ATRNL1: variants seen among roughly 807,000 people sequenced by gnomAD.
The protein encoded by ATRNL1 is attractin like 1.
In ATRNL1, 95 loss-of-function variants were observed where a neutral mutation model predicts 182.7. The ratio of observed to expected loss-of-function variants is 0.52; its 90% CI spans 0.44 to 0.62. The LOEUF (loss-of-function observed/expected upper bound fraction) is 0.62, where lower values mean the gene tolerates loss of function less well. Ranked by LOEUF, ATRNL1 falls within the 20% of genes least tolerant of loss-of-function variation. ATRNL1 has a pLI of 0.00. For missense variants in ATRNL1, 1,471 were observed against 1,679.5 expected (o/e 0.88, Z 2.17); for synonymous variants, 576 against 568.3 (o/e 1.01, Z -0.19).
intron 6 of ATRNL1, among the ~76,000 whole-genome samples, chr10:115,163,767 T>C (rs1846912390): frequency 6.6e-6 from 1 of 152,138 alleles, no homozygotes; most frequent in African/African-American, 2.4e-5. Flanking sequence ...TTTACAGAAA[T>C]AGTTTGTACA....
At chr10:115,860,630 A>T (rs941836352) in intron 28 of ATRNL1, among the ~76,000 whole-genome samples, 3 of 152,342 alleles carry the variant, frequency 2.0e-5, no homozygotes, top group Admixed American at 6.5e-5. Flanking sequence ...CTGAAATGAC[A>T]TATGGCTCCT....
In ATRNL1 at chr10:115,303,186, G is replaced by A. The variant is rs932213606; in HGVS notation, c.2818+1143G>A. On this transcript the variant is annotated intron_variant, in intron 17 of 28. Transcript: ENST00000355044. Reference sequence around the variant, plus strand: ...AGTTACCATTCTACCACCATAGAAAGCTGCAGAATCACCTGAGATAAAGTT... The same window carrying A: ...AGTTACCATTCTACCACCATAGAAAACTGCAGAATCACCTGAGATAAAGTT... Among the ~76,000 whole-genome samples, 8 of 148,118 alleles carry A rather than the reference G, an allele frequency of 5.4e-5. No individual in the cohort carries two copies. The Admixed American group carries it at 5.4e-4, about 10-fold the overall frequency.
rs370732052 is a variant in ATRNL1, at chr10:115,764,920, C to T, written c.3903+37565C>T. The stretch of plus-strand genomic sequence containing the variant: ...AACTCCTGACCTCAGGCAATCCGCC[C>T]GCCTTGGCCTCCCAAATCGCTGGGA... On this transcript the variant is annotated intron_variant, in intron 27 of 28. Transcript: ENST00000355044. Among the ~76,000 whole-genome samples the T allele has an allele frequency of 2.8e-4, 43 of 152,300 alleles. 1 individual carries two copies. The East Asian group carries it at 7.1e-3, about 25-fold the overall frequency.
At chr10:115,457,214 G>C (rs782745298) in intron 21 of ATRNL1, among the ~76,000 whole-genome samples, 6 of 152,110 alleles carry the variant, frequency 3.9e-5, no homozygotes, top group African/African-American at 7.2e-5. Flanking sequence ...GACCCTGAAA[G>C]TGGGTAGCCC....
chr10:115,667,330 A>G (rs1206259459), intron 26 of ATRNL1, among the ~76,000 whole-genome samples: 1 of 152,170 alleles, frequency 6.6e-6, no homozygotes, highest in Non-Finnish European at 1.5e-5. Flanking sequence ...GACTTAAAAC[A>G]ACAATAATGT....
At chr10:115,643,439 A>T (rs1859397476) in intron 26 of ATRNL1, among the ~76,000 whole-genome samples, 1 of 152,186 alleles carries the variant, frequency 6.6e-6, no homozygotes, top group Non-Finnish European at 1.5e-5. Context: ...TCTAGGTATG[A>T]TATCAAAACC....
chr10:115,813,192 C>T (rs909895878), intron 27 of ATRNL1, among the ~76,000 whole-genome samples: 3 of 151,962 alleles, frequency 2.0e-5, no homozygotes, highest in African/African-American at 4.8e-5. Context: ...ATGTAACAAA[C>T]CTGCACGTTG....
intron 21 of ATRNL1, among the ~76,000 whole-genome samples, chr10:115,442,644 G>A (rs1846754309): frequency 6.6e-6 from 1 of 152,020 alleles, no homozygotes; most frequent in South Asian, 2.1e-4. Flanking sequence ...ACAGAAACAG[G>A]CTGTGGACCA....
At chr10:115,282,140 T>C (rs1443081693) in intron 14 of ATRNL1, among the ~76,000 whole-genome samples, 3 of 146,446 alleles carry the variant, frequency 2.0e-5, no homozygotes, top group African/African-American at 7.4e-5. Context: ...ATTTAAACCA[T>C]AAATTTATAT....
intron 17 of ATRNL1, among the ~76,000 whole-genome samples, chr10:115,307,428 AT>A (rs764595702): frequency 1.3e-5 from 2 of 151,862 alleles, no homozygotes; most frequent in African/African-American, 2.4e-5. Flanking sequence ...TGCCTGGCTG[AT>A]TTTTGTGTTT....
chr10:115,877,641 G>C lies in ATRNL1; in HGVS notation c.4018+29650G>C, dbSNP rs371634608. 2.2e-4 allele frequency among the ~76,000 whole-genome samples: 33 copies of C among 152,214 alleles called. No individual in the cohort carries two copies. In the South Asian group the frequency reaches 6.4e-3, roughly 30 times the overall value. On this transcript the variant is annotated intron_variant, in intron 28 of 28. Coordinates refer to ENST00000355044, the MANE Select transcript of ATRNL1 (RefSeq NM_207303.4). Reference sequence around the variant, plus strand: ...TACCTGGATGAGATTATTTTATTTGGACTTTGGGAACAAAAGCATTGTTTG... The same window carrying C: ...TACCTGGATGAGATTATTTTATTTGCACTTTGGGAACAAAAGCATTGTTTG...
chr10:115,644,532 A>G (rs1490710133), intron 26 of ATRNL1, among the ~76,000 whole-genome samples: 2 of 152,198 alleles, frequency 1.3e-5, no homozygotes, highest in East Asian at 1.9e-4. Context: ...AAGTCTGTAT[A>G]CTTTTGCCAT....
chr10:115,438,026 T>A (rs1554965066), intron 21 of ATRNL1, among the ~76,000 whole-genome samples: 2 of 151,992 alleles, frequency 1.3e-5, no homozygotes, highest in Admixed American at 1.3e-4. Flanking sequence ...GATGCTAAAT[T>A]AAAACTGAAA....
intron 13 of ATRNL1, among the ~76,000 whole-genome samples, chr10:115,269,651 G>A (rs782360852): frequency 2.0e-5 from 3 of 152,034 alleles, no homozygotes; most frequent in Non-Finnish European, 4.4e-5. Context: ...TCTTTCATGG[G>A]CCTATAGCTT....
chr10:115,262,487 G>C (rs1851434533), intron 10 of ATRNL1, among the ~76,000 whole-genome samples: 1 of 151,920 alleles, frequency 6.6e-6, no homozygotes, highest in Admixed American at 6.6e-5. Flanking sequence ...TGGAAAATTA[G>C]AGATTATTTT....
intron 15 of ATRNL1, among the ~76,000 whole-genome samples, chr10:115,299,401 A>G (rs1853364439): frequency 6.6e-6 from 1 of 152,066 alleles, no homozygotes; most frequent in Non-Finnish European, 1.5e-5. Flanking sequence ...CACGAGCATC[A>G]GATTTTATTA....
intron 28 of ATRNL1, among the ~76,000 whole-genome samples, chr10:115,876,326 A>T (rs1951699817): frequency 6.6e-6 from 1 of 152,210 alleles, no homozygotes; most frequent in South Asian, 2.1e-4. Context: ...AAATGAGATA[A>T]TGTCTGTAAT....
intron 10 of ATRNL1, among the ~76,000 whole-genome samples, chr10:115,250,250 A>G (rs1251994108): frequency 6.6e-6 from 1 of 152,202 alleles, no homozygotes; most frequent in East Asian, 1.9e-4. Context: ...CTCAACACAT[A>G]GTCACTTGAT....
At chr10:115,477,655 ATTCT>A (rs1554973419) in intron 24 of ATRNL1, among the ~76,000 whole-genome samples, 1 of 151,586 alleles carries the variant, frequency 6.6e-6, no homozygotes, top group Non-Finnish European at 1.5e-5. Flanking sequence ...TGAAGAAATA[ATTCT>A]TTGTTTGGTC....
Sources: gnomAD v4.1 joint callset for allele counts (sites outside exome capture counted in the v4.1 genomes callset) on GRCh38, gnomAD v4.1.1 for gene constraint, MANE v1.5 for transcripts, NCBI Gene and HGNC (gene_info 2026-07-23, HGNC 2026-07-21) for gene names.